The following CCDC60 variants were observed in gnomAD, a reference collection of about 807,000 sequenced individuals.
CCDC60 encodes the protein coiled-coil domain containing 60.
In CCDC60, 54 loss-of-function variants were observed where a neutral mutation model predicts 63.5. The ratio of observed to expected loss-of-function variants is 0.85; its 90% CI spans 0.68 to 1.07. CCDC60 has a LOEUF of 1.07. CCDC60 is among the 50% of genes least tolerant of loss of function. The probability of loss-of-function intolerance (pLI) is 0.00; values close to 1 mark genes in which losing one functional copy is unlikely to be tolerated. For missense variants in CCDC60, 651 were observed against 684.3 expected (o/e 0.95, Z 0.54); for synonymous variants, 206 against 238.8 (o/e 0.86, Z 1.27).
chr12:119,513,823 A>G (rs1462821412), intron 7 of CCDC60, among the ~76,000 whole-genome samples: 6 of 152,260 alleles, frequency 3.9e-5, no homozygotes, highest in Admixed American at 3.3e-4. Flanking sequence ...ATATAAAAGT[A>G]TAACACAATT....
At chr12:119,387,159 A>G (rs765451134) in intron 1 of CCDC60, among the ~76,000 whole-genome samples, 1 of 152,070 alleles carries the variant, frequency 6.6e-6, no homozygotes, top group Non-Finnish European at 1.5e-5. Flanking sequence ...GCAAAGTGAC[A>G]TTGCCTACTT....
At chr12:119,415,437 G>A (rs1378860423) in intron 1 of CCDC60, among the ~76,000 whole-genome samples, 1 of 152,236 alleles carries the variant, frequency 6.6e-6, no homozygotes, top group African/African-American at 2.4e-5. Flanking sequence ...CTGAAGGCAG[G>A]AGCTAGATCA....
At chr12:119,485,735 G>T (rs1951424243) in intron 4 of CCDC60, among the ~76,000 whole-genome samples, 3 of 152,090 alleles carry the variant, frequency 2.0e-5, no homozygotes, top group African/African-American at 7.2e-5. Context: ...TCCTAACACA[G>T]TCACACGCTG....
chr12:119,516,776 G>A, intron 8 of CCDC60, 69 bp downstream of exon 8: 5 of 1,045,892 alleles, frequency 4.8e-6, no homozygotes, highest in Non-Finnish European at 7.2e-6. Flanking sequence ...AGTAGTAGTT[G>A]CCAACTGTTG....
chr12:119,391,803 T>C (rs1283998889), intron 1 of CCDC60, among the ~76,000 whole-genome samples: 1 of 152,362 alleles, frequency 6.6e-6, no homozygotes, highest in Middle Eastern at 3.4e-3. Flanking sequence ...TATCTTTTTC[T>C]TCCTTCTGAG....
intron 1 of CCDC60, among the ~76,000 whole-genome samples, chr12:119,376,470 A>G (rs1250271779): frequency 6.6e-6 from 1 of 152,132 alleles, no homozygotes; most frequent in Non-Finnish European, 1.5e-5. Flanking sequence ...TCTACAAAAA[A>G]TACAAAAATT....
chr12:119,495,991 C>T (rs1490588386), intron 5 of CCDC60, among the ~76,000 whole-genome samples: 2 of 152,254 alleles, frequency 1.3e-5, no homozygotes, highest in East Asian at 3.9e-4. Flanking sequence ...ATTTCCCCTG[C>T]TCTCCTCTTT....
At chr12:119,361,060 G>T (rs1955784345) in intron 1 of CCDC60, among the ~76,000 whole-genome samples, 1 of 152,008 alleles carries the variant, frequency 6.6e-6, no homozygotes, top group African/African-American at 2.4e-5. Flanking sequence ...CAGGCAGGGA[G>T]GTTGCAGTGA....
chr12:119,364,841 G>A (rs1955824793), intron 1 of CCDC60, among the ~76,000 whole-genome samples: 1 of 152,188 alleles, frequency 6.6e-6, no homozygotes, highest in Admixed American at 6.5e-5. Flanking sequence ...ACAGCAGGAA[G>A]ACCTTGTTTT....
Position 119,479,118 on chromosome 12 carries a change from G to T in CCDC60, c.366G>T (p.Lys122Asn). 1.9e-6 allele frequency: 3 copies of T among 1,613,712 alleles called. No individual in the cohort carries two copies. The East Asian group carries it at 6.7e-5, about 36-fold the overall frequency. The change falls in exon 4 of 14, where the codon AAG (lysine) becomes AAT (asparagine). Residue 122 changes from lysine (K) to asparagine (N), a missense_variant. Lys to Asn is a moderately conservative substitution (Grantham distance 94). Transcript: ENST00000327554. ...LLSTYDDEKLKTLGARVTRRP... is the reference protein window; with the variant it reads ...LLSTYDDEKLNTLGARVTRRP... Reference sequence around the variant, plus strand: ...GCACATATGATGATGAGAAGTTGAAGACACTGGGAGCTAGAGTCACACGTC... The same window carrying T: ...GCACATATGATGATGAGAAGTTGAATACACTGGGAGCTAGAGTCACACGTC...
chr12:119,386,443 C>A (rs1956062497), intron 1 of CCDC60, among the ~76,000 whole-genome samples: 1 of 151,732 alleles, frequency 6.6e-6, no homozygotes, highest in Non-Finnish European at 1.5e-5. Flanking sequence ...ATTTGTCAGA[C>A]TCAGTCTCCT....
At chr12:119,376,737 CT>C (rs1955954861) in intron 1 of CCDC60, among the ~76,000 whole-genome samples, 1 of 152,168 alleles carries the variant, frequency 6.6e-6, no homozygotes, top group South Asian at 2.1e-4. Context: ...CCTTAGGCTC[CT>C]ATATCCTTTA....
chr12:119,364,723 T>G (rs1955823473), intron 1 of CCDC60, among the ~76,000 whole-genome samples: 1 of 152,196 alleles, frequency 6.6e-6, no homozygotes, highest in Non-Finnish European at 1.5e-5. Flanking sequence ...GAGCACAGAC[T>G]CCGCTGGGAA....
chr12:119,480,830 C>CAT (rs1951295655), intron 4 of CCDC60, among the ~76,000 whole-genome samples: 2 of 137,952 alleles, frequency 1.4e-5, no homozygotes, highest in African/African-American at 5.4e-5. Context: ...ACCATCATCA[C>CAT]CACCATCATC....
At chr12:119,379,803 A>G (rs1211495294) in intron 1 of CCDC60, among the ~76,000 whole-genome samples, 2 of 152,240 alleles carry the variant, frequency 1.3e-5, no homozygotes, top group African/African-American at 4.8e-5. Flanking sequence ...CCCTTTGGCC[A>G]TGACTTAAAA....
intron 1 of CCDC60, among the ~76,000 whole-genome samples, chr12:119,426,305 A>C (rs951900232): frequency 7.9e-5 from 12 of 151,860 alleles, no homozygotes; most frequent in Non-Finnish European, 1.5e-4. Context: ...TTTGTTTTGC[A>C]TCCTTTATGT....
At chr12:119,348,033 C>T (rs1955615599) in intron 1 of CCDC60, among the ~76,000 whole-genome samples, 1 of 152,200 alleles carries the variant, frequency 6.6e-6, no homozygotes, top group South Asian at 2.1e-4. Flanking sequence ...AAATGTTTCA[C>T]TTCTAAGAGC....
intron 2 of CCDC60, among the ~76,000 whole-genome samples, chr12:119,462,248 C>T (rs961543469): frequency 2.6e-5 from 4 of 152,084 alleles, no homozygotes; most frequent in South Asian, 2.1e-4. Flanking sequence ...GGCTTTTTAC[C>T]GTATGCTCCC....
chr12:119,383,503 A>T (rs966744252), intron 1 of CCDC60, among the ~76,000 whole-genome samples: 1 of 152,194 alleles, frequency 6.6e-6, no homozygotes, highest in Non-Finnish European at 1.5e-5. Context: ...ATAGCCACAG[A>T]GTATGGAGAT....
Sources: gnomAD v4.1 joint callset for allele counts (sites outside exome capture counted in the v4.1 genomes callset) on GRCh38, gnomAD v4.1.1 for gene constraint, MANE v1.5 for transcripts, NCBI Gene and HGNC (gene_info 2026-07-23, HGNC 2026-07-21) for gene names.